TMEM204: variants seen among roughly 807,000 people sequenced by gnomAD.
TMEM204 encodes claudin-like protein 24.
TMEM204 carries 15 observed loss-of-function variants against 19.4 expected under a neutral mutation model. The ratio of observed to expected loss-of-function variants is 0.77; its 90% CI spans 0.52 to 1.19. The LOEUF is 1.19. TMEM204 is among the 50% of genes most tolerant of loss of function. TMEM204 has a pLI of 0.00. For synonymous variants in TMEM204, 161 were observed against 146.0 expected (o/e 1.10, Z -0.74); for missense variants, 287 against 321.2 (o/e 0.89, Z 0.81).
Position 1,553,099 on chromosome 16 carries a change from T to C in TMEM204, c.437-1683T>C. 1 of 985,456 alleles carries C rather than the reference T, an allele frequency of 1.0e-6. No individual in the cohort carries two copies. Among genetic ancestry groups the C allele is most frequent in the Non-Finnish European group, 1.2e-6 (1 of 829,938 alleles). The allele number at this position is 985,456 out of a possible 1,614,324, so 61.0% of individuals were successfully genotyped here. ...AGATAGATAAATGCTTAATTCATACTTTCTGGAGGGTACAGTGATGATGAA... is the reference window on the plus strand; with the variant it reads ...AGATAGATAAATGCTTAATTCATACCTTCTGGAGGGTACAGTGATGATGAA... On this transcript the variant is annotated intron_variant, in intron 2 of 2. Transcript: ENST00000566264. This position sits in a 1 kb window ranked among gnomAD's most constrained non-coding sequence, Gnocchi z 4.4.
upstream of TMEM204, among the ~76,000 whole-genome samples, chr16:1,530,064 G>A (rs905596101): frequency 1.3e-5 from 2 of 151,168 alleles, no homozygotes; most frequent in African/African-American, 2.4e-5. Context: ...TGGCCGCTTC[G>A]TAAACACCAC....
rs887077455 is a variant in TMEM204 at position 1,551,318 on chromosome 16, C to A, written c.437-3464C>A. Among the ~76,000 whole-genome samples the A allele has an allele frequency of 7.2e-5, 11 of 151,978 alleles. No individual in the cohort carries two copies. The highest frequency in any genetic ancestry group is 1.5e-4 in the Non-Finnish European group (10 of 67,990). On this transcript the variant is annotated intron_variant, in intron 2 of 2. Coordinates refer to ENST00000566264, the MANE Select transcript of TMEM204 (RefSeq NM_024600.6). This position sits in a 1 kb window ranked among gnomAD's most constrained non-coding sequence, Gnocchi z 4.0. ...GGCAGGTGCAACTCTAAGCCGAGGCCCGAAGGATCAGCAGCAGGAGGGGCC... is the reference window on the plus strand; with the variant it reads ...GGCAGGTGCAACTCTAAGCCGAGGCACGAAGGATCAGCAGCAGGAGGGGCC...
In TMEM204 at chr16:1,544,407, G is replaced by C. The variant is rs367599526; in HGVS notation, c.436+2331G>C. Among the ~76,000 whole-genome samples the C allele has an allele frequency of 1.1e-4, 16 of 151,910 alleles. No individual in the cohort carries two copies. In the East Asian group the frequency reaches 2.1e-3, roughly 20 times the overall value. The stretch of plus-strand genomic sequence containing the variant: ...TCACTATGTTCGCCAGGATGGTCTC[G>C]ATCTCCTGACCTCGTGATCCGCCCA... On this transcript the variant is annotated intron_variant, in intron 2 of 2. Transcript: ENST00000566264.
chr16:1,554,040 T>C lies in TMEM204; in HGVS notation c.437-742T>C, dbSNP rs1039208299. 7 of 1,286,944 alleles carry C rather than the reference T, an allele frequency of 5.4e-6. 1 individual carries two copies. The highest frequency in any genetic ancestry group is 2.3e-5 in the Admixed American group (1 of 43,532). 79.7% of individuals were successfully genotyped at this position (1,286,944 alleles called of 1,614,324 possible). On this transcript the variant is annotated intron_variant, in intron 2 of 2. Coordinates refer to ENST00000566264, the MANE Select transcript of TMEM204 (RefSeq NM_024600.6). Reference sequence around the variant, plus strand: ...CACCTCTCCTTCTCTGGTTTCAGGCTCTGGAAAGAGAGGGGAAAGCATGGA... The same window carrying C: ...CACCTCTCCTTCTCTGGTTTCAGGCCCTGGAAAGAGAGGGGAAAGCATGGA...
At chr16:1,532,605 G>C (rs1323834489), upstream of TMEM204, 1 of 152,278 alleles carries the variant, frequency 6.6e-6, no homozygotes, top group African/African-American at 2.4e-5. Context: ...TGTTACCACA[G>C]GCTGGGAACA....
chr16:1,535,765 C>T (rs550023806), intron 1 of TMEM204, among the ~76,000 whole-genome samples: 4 of 152,374 alleles, frequency 2.6e-5, no homozygotes, highest in East Asian at 3.9e-4. Context: ...TCGGCTGCAC[C>T]GCACAGCCTG....
At chr16:1,530,202 G>A (rs1354875852), upstream of TMEM204, among the ~76,000 whole-genome samples, 1 of 139,922 alleles carries the variant, frequency 7.1e-6, no homozygotes, top group Non-Finnish European at 1.5e-5. Context: ...GTGGTGGCAC[G>A]ATCTTGGCTC....
chr16:1,535,442 C>T (rs1260507384), intron 1 of TMEM204, among the ~76,000 whole-genome samples: 2 of 152,150 alleles, frequency 1.3e-5, no homozygotes, highest in African/African-American at 2.4e-5. Context: ...GGTTTTGACT[C>T]GCAGACACCC....
rs1468481944 is a variant in TMEM204 at position 1,551,565 on chromosome 16, G to T, written c.437-3217G>T. On this transcript the variant is annotated intron_variant, in intron 2 of 2. Coordinates refer to ENST00000566264, the MANE Select transcript of TMEM204 (RefSeq NM_024600.6). This position sits in a 1 kb window ranked among gnomAD's most constrained non-coding sequence, Gnocchi z 4.0. ...TCATACAGATCAGGGTGCAGCGGTGGAGGGAGGGCCGCCTGCATCAGTATC... is the reference window on the plus strand; with the variant it reads ...TCATACAGATCAGGGTGCAGCGGTGTAGGGAGGGCCGCCTGCATCAGTATC... Among the ~76,000 whole-genome samples the T allele has an allele frequency of 1.3e-5, 2 of 152,190 alleles. No homozygotes were observed. Among genetic ancestry groups the T allele is most frequent in the Non-Finnish European group, 2.9e-5 (2 of 68,020 alleles).
chr16:1,552,751 C>A (rs1254780651), intron 2 of TMEM204, among the ~76,000 whole-genome samples: 1 of 150,198 alleles, frequency 6.7e-6, no homozygotes, highest in East Asian at 2.0e-4. Context: ...TGGGTTCAAG[C>A]AATTCTCTGC....
chr16:1,551,695 G>A lies in TMEM204; in HGVS notation c.437-3087G>A, dbSNP rs1460983351. 6.6e-6 allele frequency among the ~76,000 whole-genome samples: 1 copy of A among 152,204 alleles called. No homozygotes were observed. The highest frequency in any genetic ancestry group is 2.4e-5 in the African/African-American group (1 of 41,440). On this transcript the variant is annotated intron_variant, in intron 2 of 2. Coordinates refer to ENST00000566264, the MANE Select transcript of TMEM204 (RefSeq NM_024600.6). This position sits in a 1 kb window ranked among gnomAD's most constrained non-coding sequence, Gnocchi z 4.0. ...CATGCTTGTTCACGGAAGAGCCTAAGATCAGCGGCACTTCAGTCTTCTACG... is the reference window on the plus strand; with the variant it reads ...CATGCTTGTTCACGGAAGAGCCTAAAATCAGCGGCACTTCAGTCTTCTACG...
Position 1,555,002 on chromosome 16 carries a change from T to G in TMEM204, c.657T>G (p.Asn219Lys). 1 of 1,612,888 alleles carries G rather than the reference T, an allele frequency of 6.2e-7. No homozygotes were observed. Among genetic ancestry groups the G allele is most frequent in the Non-Finnish European group, 8.5e-7 (1 of 1,179,884 alleles). ...LTARFRRGLDNDYVESPC is the reference protein window; with the variant it reads ...LTARFRRGLDKDYVESPC The stretch of plus-strand genomic sequence containing the variant: ...CGCGCTTTCGCCGTGGGCTGGACAA[T>G]GACTACGTGGAGTCACCATGCTGAG... The change falls in exon 3 of 3, where the codon AAT (asparagine) becomes AAG (lysine). Residue 219 changes from asparagine to lysine, a missense_variant. Coordinates refer to ENST00000566264, the MANE Select transcript of TMEM204 (RefSeq NM_024600.6).
intron 1 of TMEM204, among the ~76,000 whole-genome samples, chr16:1,539,679 C>T (rs573580057): frequency 2.8e-4 from 42 of 152,366 alleles, no homozygotes; most frequent in African/African-American, 8.2e-4. Context: ...GTGGCAGTGA[C>T]GCTCACTGGG....
intron 1 of TMEM204, among the ~76,000 whole-genome samples, chr16:1,537,977 C>T (rs970130414): frequency 5.3e-5 from 8 of 152,374 alleles, no homozygotes; most frequent in Non-Finnish European, 1.2e-4. Flanking sequence ...AGCTGAACCA[C>T]GTTCTCACCG....
chr16:1,553,062 AG>A lies in TMEM204; in HGVS notation c.437-1718del. The A allele has an allele frequency of 1.0e-6, 1 of 985,462 alleles. No individual in the cohort carries two copies. The highest frequency in any genetic ancestry group is 1.2e-6 in the Non-Finnish European group (1 of 829,938). The allele number at this position is 985,462 out of a possible 1,614,324, so 61.0% of individuals were successfully genotyped here. ...CAGAAACCAGTCACTGTCATTGTTC[AG>A]GACAAAATGGAGATAGATAAATGCT... On this transcript the variant is annotated intron_variant, in intron 2 of 2. Transcript: ENST00000566264. The surrounding 1 kb of genome is among the most constrained non-coding windows in gnomAD (Gnocchi z 4.4).
chr16:1,553,889 A>C lies in TMEM204; in HGVS notation c.437-893A>C. 7.9e-7 allele frequency: 1 copy of C among 1,264,144 alleles called. No individual in the cohort carries two copies. The highest frequency in any genetic ancestry group is 2.4e-5 in the Admixed American group (1 of 40,842). The allele number at this position is 1,264,144 out of a possible 1,614,324, so 78.3% of individuals were successfully genotyped here. Reference sequence around the variant, plus strand: ...GGTAGACTCTAGTCACGAAACCCTGATTTTCCTGTTGTAAGAACTAAAAAG... The same window carrying C: ...GGTAGACTCTAGTCACGAAACCCTGCTTTTCCTGTTGTAAGAACTAAAAAG... On this transcript the variant is annotated intron_variant, in intron 2 of 2. Coordinates refer to ENST00000566264, the MANE Select transcript of TMEM204 (RefSeq NM_024600.6). This position sits in a 1 kb window ranked among gnomAD's most constrained non-coding sequence, Gnocchi z 4.4.
chr16:1,541,064 C>A, intron 1 of TMEM204: 3 of 985,440 alleles, frequency 3.0e-6, no homozygotes, highest in Non-Finnish European at 2.4e-6. Flanking sequence ...TCCCTGAGGG[C>A]AACAAACGCA....
chr16:1,542,771 C>T (rs1053333681), intron 2 of TMEM204, among the ~76,000 whole-genome samples: 14 of 152,354 alleles, frequency 9.2e-5, no homozygotes, highest in Middle Eastern at 3.4e-3. Context: ...CCCTGGCTTC[C>T]CCAAGCCGCC....
At chr16:1,542,213 G>C in intron 2 of TMEM204, 137 bp downstream of exon 2, 1 of 965,084 alleles carries the variant, frequency 1.0e-6, no homozygotes, top group East Asian at 2.9e-5. Context: ...AGGCCACTGA[G>C]AAGCCCCATG....
Sources: gnomAD v4.1 joint callset for allele counts (sites outside exome capture counted in the v4.1 genomes callset) on GRCh38, gnomAD v4.1.1 for gene constraint, Gnocchi (gnomAD v3.1) non-coding constraint, MANE v1.5 for transcripts, NCBI Gene and HGNC (gene_info 2026-07-23, HGNC 2026-07-21) for gene names.